Variants in MPP7 observed in about 807,000 individuals in gnomAD.
MPP7 encodes MAGUK p55 scaffold protein 7.
In MPP7, 60 loss-of-function variants were observed where a neutral mutation model predicts 76.5. The observed-to-expected ratio is 0.78, with a 90% CI of 0.64 to 0.97. The LOEUF is 0.97. Among genes scored for constraint, MPP7 ranks in the 50% least tolerant of loss-of-function variants. The pLI is 0.00. For missense variants in MPP7, 641 were observed against 694.0 expected (o/e 0.92, Z 0.86); for synonymous variants, 237 against 244.5 (o/e 0.97, Z 0.29).
intron 3 of MPP7, among the ~76,000 whole-genome samples, chr10:28,154,209 C>T (rs1473581332): frequency 6.6e-6 from 1 of 152,166 alleles, no homozygotes; most frequent in Admixed American, 6.5e-5. Flanking sequence ...TTTGTTCCTA[C>T]CTAATCCCAG....
At chr10:28,124,641 A>C (rs61842986) in intron 7 of MPP7, among the ~76,000 whole-genome samples, 3 of 134,318 alleles carry the variant, frequency 2.2e-5, no homozygotes, top group Non-Finnish European at 4.5e-5. Flanking sequence ...ACACTTGACT[A>C]ATTTTTTTTT....
At chr10:28,125,458 T>C (rs1284963661) in intron 6 of MPP7, among the ~76,000 whole-genome samples, 1 of 152,166 alleles carries the variant, frequency 6.6e-6, no homozygotes, top group African/African-American at 2.4e-5. Flanking sequence ...TTCATCCTTA[T>C]AGTACCGCAT....
intron 3 of MPP7, among the ~76,000 whole-genome samples, chr10:28,155,601 A>G (rs1326224642): frequency 1.3e-5 from 2 of 150,560 alleles, no homozygotes; most frequent in African/African-American, 2.5e-5. Context: ...CTGTCTCCAA[A>G]AAAAAAAAGA....
intron 7 of MPP7, 60 bp from the exon 8 acceptor site, chr10:28,124,176 C>T: frequency 9.1e-7 from 1 of 1,094,552 alleles, no homozygotes; most frequent in Non-Finnish European, 1.4e-6. Context: ...CTGTAATTTG[C>T]AGCTGTTTCC....
intron 12 of MPP7, among the ~76,000 whole-genome samples, chr10:28,084,675 T>C (rs1852920111): frequency 6.6e-6 from 1 of 152,308 alleles, no homozygotes; most frequent in Non-Finnish European, 1.5e-5. Flanking sequence ...AGACAATCTC[T>C]GAACTCTGAA....
intron 13 of MPP7, among the ~76,000 whole-genome samples, chr10:28,062,077 A>T (rs1851809141): frequency 6.6e-6 from 1 of 152,204 alleles, no homozygotes; most frequent in Non-Finnish European, 1.5e-5. Context: ...AGGAAAGAAC[A>T]AATAATTGTG....
chr10:28,259,846 G>A (rs944779629), intron 1 of MPP7, among the ~76,000 whole-genome samples: 9 of 151,856 alleles, frequency 5.9e-5, no homozygotes, highest in South Asian at 2.1e-4. Flanking sequence ...AGCCAGGCAC[G>A]GTGGTGTGCC....
At chr10:28,253,632 C>T (rs1292471736) in intron 1 of MPP7, among the ~76,000 whole-genome samples, 1 of 152,144 alleles carries the variant, frequency 6.6e-6, no homozygotes, top group Non-Finnish European at 1.5e-5. Context: ...AATTTCTGCA[C>T]ATTACACAAG....
chr10:28,269,131 A>T (rs768531089), intron 1 of MPP7, among the ~76,000 whole-genome samples: 12 of 152,318 alleles, frequency 7.9e-5, no homozygotes, highest in Non-Finnish European at 1.6e-4. Flanking sequence ...GTGTGATATA[A>T]ATACTTTACG....
At chr10:28,097,960 T>C (rs189795714) in intron 11 of MPP7, among the ~76,000 whole-genome samples, 2 of 152,316 alleles carry the variant, frequency 1.3e-5, no homozygotes, top group Admixed American at 1.3e-4. Flanking sequence ...AGTAAAAAAT[T>C]TTAAAACTTG....
chr10:28,134,998 T>C (rs1186494354), intron 5 of MPP7, among the ~76,000 whole-genome samples: 3 of 151,992 alleles, frequency 2.0e-5, no homozygotes, highest in Non-Finnish European at 4.4e-5. Flanking sequence ...CTGAAAAAAC[T>C]AGAAACTAAA....
upstream of MPP7, among the ~76,000 whole-genome samples, chr10:28,306,728 A>G (rs1035396885): frequency 1.3e-5 from 2 of 152,032 alleles, no homozygotes; most frequent in Non-Finnish European, 2.9e-5. Context: ...TAGATAATAG[A>G]TAGTTGATAG....
chr10:28,108,472 T>A (rs1834395321), intron 11 of MPP7, among the ~76,000 whole-genome samples: 1 of 151,710 alleles, frequency 6.6e-6, no homozygotes, highest in Non-Finnish European at 1.5e-5. Context: ...CTGGGCAACA[T>A]GGTGAAACCT....
chr10:28,194,522 T>G (rs1837517287), intron 3 of MPP7, among the ~76,000 whole-genome samples: 1 of 152,178 alleles, frequency 6.6e-6, no homozygotes, highest in African/African-American at 2.4e-5. Context: ...TATCTACAAC[T>G]AAATCCTATT....
At chr10:28,096,526 A>G (rs1450659842) in intron 11 of MPP7, among the ~76,000 whole-genome samples, 2 of 152,332 alleles carry the variant, frequency 1.3e-5, no homozygotes, top group East Asian at 3.9e-4. Context: ...GTATCTTTCA[A>G]TAAGGTCACG....
chr10:28,194,613 G>C, intron 3 of MPP7, among the ~76,000 whole-genome samples: 1 of 152,166 alleles, frequency 6.6e-6, no homozygotes, highest in East Asian at 1.9e-4. Flanking sequence ...CTAGGTAAAA[G>C]AAGCCAATCT....
chr10:28,089,311 G>A (rs1853172386), intron 12 of MPP7, among the ~76,000 whole-genome samples: 2 of 152,188 alleles, frequency 1.3e-5, no homozygotes, highest in Non-Finnish European at 2.9e-5. Flanking sequence ...AATGCCATCT[G>A]AAGCTTGTAC....
intron 6 of MPP7, among the ~76,000 whole-genome samples, chr10:28,126,272 G>A (rs1020461816): frequency 6.6e-6 from 1 of 152,124 alleles, no homozygotes; most frequent in South Asian, 2.1e-4. Context: ...CCAACTACTA[G>A]TATTTTCTGC....
intron 3 of MPP7, among the ~76,000 whole-genome samples, chr10:28,166,960 T>C (rs1266093793): frequency 6.6e-6 from 1 of 152,178 alleles, no homozygotes. Context: ...ACAAATTATT[T>C]ACCTATTTTG....
Sources: allele counts gnomAD v4.1 joint callset (sites outside exome capture counted in the v4.1 genomes callset), GRCh38; gene constraint gnomAD v4.1.1; transcripts MANE v1.5; gene names NCBI Gene and HGNC (gene_info 2026-07-23, HGNC 2026-07-21).